ABCB8: variants seen among roughly 807,000 people sequenced by gnomAD.
ABCB8 encodes mitochondrial potassium channel ATP-binding subunit.
Under a neutral mutation model 73.0 loss-of-function variants are expected in ABCB8, and 52 were observed. The observed-to-expected ratio is 0.71, with a 90% CI of 0.57 to 0.90. The LOEUF (loss-of-function observed/expected upper bound fraction) is 0.90, where lower values mean the gene tolerates loss of function less well. Ranked by LOEUF, ABCB8 falls within the 40% of genes least tolerant of loss-of-function variation. The probability of loss-of-function intolerance (pLI) is 0.00; values close to 1 mark genes in which losing one functional copy is unlikely to be tolerated. For synonymous variants in ABCB8, 428 were observed against 423.5 expected (o/e 1.01, Z -0.13); for missense variants, 909 against 974.6 (o/e 0.93, Z 0.90).
intron 1 of ABCB8, chr7:151,031,332 G>A: frequency 7.2e-6 from 11 of 1,528,190 alleles, no homozygotes; most frequent in Non-Finnish European, 9.6e-6. Context: ...AGAACACAGT[G>A]GAAAACAAGA....
rs1363717141 is a variant in ABCB8, at chr7:151,034,830, G to A, written c.765+1G>A. 1.2e-6 allele frequency: 2 copies of A among 1,612,358 alleles called. No homozygotes were observed. Among genetic ancestry groups the A allele is most frequent in the Non-Finnish European group, 1.7e-6 (2 of 1,179,112 alleles). Reference sequence around the variant, plus strand: ...ATCCTTCAAGCTTGTCATCTCCCAGGTCAGTGGCCCAGTGGCCCCCACCAC... The same window carrying A: ...ATCCTTCAAGCTTGTCATCTCCCAGATCAGTGGCCCAGTGGCCCCCACCAC... On this transcript the variant is annotated splice_donor_variant, in intron 5 of 15. Transcript: ENST00000358849. LOFTEE classifies it high-confidence loss of function.
At chr7:151,033,453 T>C (rs1429307931) in intron 1 of ABCB8, 152 bp from the exon 2 acceptor site, 1 of 1,412,440 alleles carries the variant, frequency 7.1e-7, no homozygotes, top group African/African-American at 1.4e-5. Context: ...AAACTGAAGT[T>C]GCTTCAGAAC....
At chr7:151,037,372 C>G in intron 9 of ABCB8, 5 of 701,292 alleles carry the variant, frequency 7.1e-6, no homozygotes, top group Non-Finnish European at 7.8e-6. Context: ...GGATGACAAG[C>G]TGACCCCTGT....
intron 13 of ABCB8, 96 bp downstream of exon 13, chr7:151,041,328 C>T: frequency 7.0e-7 from 1 of 1,421,848 alleles, no homozygotes; most frequent in East Asian, 2.5e-5. Context: ...TCTTTCCCAC[C>T]CTCATCCTTG....
intron 9 of ABCB8, 33 bp downstream of exon 9, chr7:151,036,682 C>T (rs756223190): frequency 6.5e-7 from 1 of 1,535,374 alleles, no homozygotes; most frequent in Admixed American, 1.8e-5. Flanking sequence ...GCTACAGAGC[C>T]CCCTGCCGCC....
intron 9 of ABCB8, chr7:151,036,900 A>G (rs760905155): frequency 1.3e-6 from 1 of 749,398 alleles, no homozygotes; most frequent in East Asian, 2.5e-5. Flanking sequence ...AGGACCCAGA[A>G]GTTTCCTTGA....
At chr7:151,033,407 C>T (rs1796216987) in intron 1 of ABCB8, 198 bp from the exon 2 acceptor site, 7 of 1,397,732 alleles carry the variant, frequency 5.0e-6, no homozygotes, top group Non-Finnish European at 6.5e-6. Context: ...CTCAGTGCCT[C>T]ATTCCTCTGC....
In ABCB8 at chr7:151,045,253, C is replaced by T. The variant is rs772104695; in HGVS notation, c.2061C>T (p.Ala687=). The stretch of plus-strand genomic sequence containing the variant: ...TCCTGAAGAAAGGCGGGCTATACGC[C>T]GAGCTCATCCGGAGGCAGGCCCTGG... ...EELLKKGGLY[A]ELIRRQALDA... Residue 687 remains alanine (A), a synonymous_variant, in exon 16 of 16, where the codon GCC becomes GCT. Transcript: ENST00000358849. 1.3e-5 allele frequency: 21 copies of T among 1,603,842 alleles called. No individual in the cohort carries two copies. The highest frequency in any genetic ancestry group is 4.5e-5 in the South Asian group (4 of 89,762).
rs757056360 is a variant in ABCB8, at chr7:151,033,828, A to T, written c.319A>T (p.Thr107Ser). Residue 107 changes from threonine (T) to serine (S), a missense_variant, in exon 2 of 16, where the codon ACA becomes TCA. Transcript: ENST00000358849. ...EAEEAPPASS[T>S]PHVVGSRFNW... ...AGAAGAGGCCCCTCCTGCCAGCTCCACACCCCATGTCGTGGGGTCTCGCTT... is the reference window on the plus strand; with the variant it reads ...AGAAGAGGCCCCTCCTGCCAGCTCCTCACCCCATGTCGTGGGGTCTCGCTT... 6.2e-7 allele frequency: 1 copy of T among 1,613,904 alleles called. No individual in the cohort carries two copies. The highest frequency in any genetic ancestry group is 8.5e-7 in the Non-Finnish European group (1 of 1,179,952).
chr7:151,031,415 G>A (rs1214758015), intron 1 of ABCB8: 2 of 1,313,872 alleles, frequency 1.5e-6, no homozygotes, highest in Non-Finnish European at 2.0e-6. Flanking sequence ...CTTCCTGAAA[G>A]CAGGGGAAGG....
intron 6 of ABCB8, 61 bp downstream of exon 6, chr7:151,035,803 G>C: frequency 6.2e-7 from 1 of 1,609,692 alleles, no homozygotes; most frequent in African/African-American, 1.3e-5. Flanking sequence ...TCCACTCCCC[G>C]GAACTCCTCC....
intron 1 of ABCB8, among the ~76,000 whole-genome samples, chr7:151,029,314 AAAAG>A (rs999397443): frequency 6.6e-6 from 1 of 151,938 alleles, no homozygotes; most frequent in Non-Finnish European, 1.5e-5. Flanking sequence ...AAAAAAAAAA[AAAAG>A]AGTCAATCTA....
rs531785675 is a variant in ABCB8, at chr7:151,045,306, C to T, written c.2114C>T (p.Pro705Leu). ...LDAPRTAAPP[P>L]KKPEGPRSHQ... ...GCCCCGAGGACAGCGGCCCCACCGC[C>T]CAAAAAGCCAGAAGGCCCCAGGAGC... Residue 705 changes from proline (P) to leucine (L), a missense_variant, in exon 16 of 16, where the codon CCC becomes CTC. Transcript: ENST00000358849. 3 of 1,598,290 alleles carry T rather than the reference C, an allele frequency of 1.9e-6. No individual in the cohort carries two copies. The African/African-American group carries it at 4.0e-5, about 22-fold the overall frequency.
intron 9 of ABCB8, 179 bp from the exon 10 acceptor site, chr7:151,040,089 G>A: frequency 1.5e-6 from 1 of 648,730 alleles, no homozygotes. Context: ...GGGAGCCAGG[G>A]CTCAGCGATC....
In ABCB8 at chr7:151,044,226, G is replaced by C. The variant is rs765545634; in HGVS notation, c.2016+5G>C. ...GCCGATGGCCGTGTCTGGGAGGTTAGTTGTCCTGGGGGCGTGGATCAGTGG... is the reference window on the plus strand; with the variant it reads ...GCCGATGGCCGTGTCTGGGAGGTTACTTGTCCTGGGGGCGTGGATCAGTGG... On this transcript the variant is annotated splice_donor_5th_base_variant and intron_variant, in intron 15 of 15. Coordinates refer to ENST00000358849, the MANE Select transcript of ABCB8 (RefSeq NM_007188.5). 3 of 1,596,358 alleles carry C rather than the reference G, an allele frequency of 1.9e-6. No individual in the cohort carries two copies. The highest frequency in any genetic ancestry group is 2.6e-6 in the Non-Finnish European group (3 of 1,166,468).
chr7:151,047,302 C>G lies in ABCB8; in HGVS notation c.*1953C>G, dbSNP rs950698410. The G allele has an allele frequency of 6.6e-6, 1 of 152,272 alleles. No homozygotes were observed. 9.4% of individuals were successfully genotyped at this position (152,272 alleles called of 1,614,324 possible). A position where few individuals can be genotyped will look rare whatever the true frequency, so the allele number is the denominator to read the frequency against. On this transcript the variant is annotated 3_prime_UTR_variant, in exon 16 of 16. Transcript: ENST00000358849. The stretch of plus-strand genomic sequence containing the variant: ...CCGCGCCGTCTTCCTAACCTCGCCT[C>G]GGCCTTCGCTCCACAGTGGAGAGTG...
chr7:151,033,370 A>T, intron 1 of ABCB8: 1 of 1,357,024 alleles, frequency 7.4e-7, no homozygotes, highest in Non-Finnish European at 9.6e-7. Context: ...GCCCAGGGGA[A>T]TAAGACTTTT....
At chr7:151,029,092 G>A (rs1796065758) in intron 1 of ABCB8, 2 of 856,596 alleles carry the variant, frequency 2.3e-6, no homozygotes, top group East Asian at 8.5e-5. Flanking sequence ...GGAAGGCCAG[G>A]AGTTCGAGAC....
At chr7:151,040,110 A>C in intron 9 of ABCB8, 158 bp from the exon 10 acceptor site, 3 of 764,500 alleles carry the variant, frequency 3.9e-6, no homozygotes, top group Middle Eastern at 2.4e-4. Flanking sequence ...TGGTGTTGCT[A>C]CGTCCCAGGG....
Sources: gnomAD v4.1 joint callset for allele counts (sites outside exome capture counted in the v4.1 genomes callset) on GRCh38, gnomAD v4.1.1 for gene constraint, MANE v1.5 for transcripts, NCBI Gene and HGNC (gene_info 2026-07-23, HGNC 2026-07-21) for gene names.